Variants in MGAM2 observed in about 807,000 individuals in gnomAD.
MGAM2 encodes probable maltase-glucoamylase 2.
MGAM2 carries 98 observed loss-of-function variants against 96.1 expected under a neutral mutation model. The observed-to-expected ratio is 1.02, with a 90% confidence interval of 0.87 to 1.21. MGAM2 has a LOEUF of 1.21. Among genes scored for constraint, MGAM2 ranks in the 50% most tolerant of loss-of-function variants. The probability of loss-of-function intolerance (pLI) is 0.00; values close to 1 mark genes in which losing one functional copy is unlikely to be tolerated. For synonymous variants in MGAM2, 749 were observed against 414.8 expected (o/e 1.81, Z -9.79); for missense variants, 2,055 against 1,182.4 (o/e 1.74, Z -10.82).
At chr7:142,211,585 G>C (rs111465565) in intron 46 of MGAM2, among the ~76,000 whole-genome samples, 1,659 of 152,152 alleles carry the variant, frequency 0.011, 24 homozygotes, top group South Asian at 0.03. Flanking sequence ...CAAAAGAAAG[G>C]ATATCAGAGA....
At chr7:142,215,661 G>T (rs893306680) in intron 46 of MGAM2, among the ~76,000 whole-genome samples, 1 of 151,424 alleles carries the variant, frequency 6.6e-6, no homozygotes, top group Non-Finnish European at 1.5e-5. Context: ...GGGAGGCTGA[G>T]GCGGGAGAAT....
chr7:142,114,192 A>G (rs559743656), intron 1 of MGAM2, among the ~76,000 whole-genome samples: 1 of 137,346 alleles, frequency 7.3e-6, no homozygotes, highest in Non-Finnish European at 1.5e-5. Context: ...GAAAGAAAGA[A>G]AGAAAGAAAG....
In MGAM2 at chr7:142,183,950, C is replaced by CTTTTTTTTTTTTTTTTTTTTT. The variant is rs748299647; in HGVS notation, c.3924+597_3924+617dup. Among the ~76,000 whole-genome samples the CTTTTTTTTTTTTTTTTTTTTT allele has an allele frequency of 1.1e-4, 5 of 46,148 alleles. 2 individuals are homozygous for CTTTTTTTTTTTTTTTTTTTTT. Among genetic ancestry groups the CTTTTTTTTTTTTTTTTTTTTT allele is most frequent in the Non-Finnish European group, 2.5e-4 (5 of 20,370 alleles). The allele number at this position is 46,148 out of a possible 152,430, so 30.3% of individuals were successfully genotyped here. ...ACTGCTCTGGATGTATTCCAGGCTC[C>CTTTTTTTTTTTTTTTTTTTTT]TTTTTTTTTTTTTTTTTTTTTTTTT... On this transcript the variant is annotated intron_variant, in intron 33 of 47. Coordinates refer to ENST00000477922, the MANE Select transcript of MGAM2 (RefSeq NM_001293626.2).
chr7:142,192,125 G>T (rs1330961246), intron 37 of MGAM2, among the ~76,000 whole-genome samples: 1 of 152,182 alleles, frequency 6.6e-6, no homozygotes, highest in East Asian at 1.9e-4. Flanking sequence ...GAGTTTACAA[G>T]AACCTCATAC....
intron 46 of MGAM2, among the ~76,000 whole-genome samples, chr7:142,209,830 T>C (rs1797523193): frequency 1.3e-5 from 2 of 152,226 alleles, no homozygotes; most frequent in Admixed American, 1.3e-4. Flanking sequence ...CACATGTGGC[T>C]ATTGAACACT....
At chr7:142,164,486 T>A (rs1012008702) in intron 23 of MGAM2, among the ~76,000 whole-genome samples, 8 of 152,126 alleles carry the variant, frequency 5.3e-5, no homozygotes, top group Admixed American at 2.0e-4. Context: ...AGAAAATTAC[T>A]TGGGCCCTTT....
chr7:142,147,282 A>G (rs1795415539), intron 14 of MGAM2, among the ~76,000 whole-genome samples, 174 bp from the exon 15 acceptor site: 1 of 152,200 alleles, frequency 6.6e-6, no homozygotes, highest in Non-Finnish European at 1.5e-5. Context: ...GGAGGTCTCA[A>G]TGTTAGCCCC....
At chr7:142,192,711 T>C (rs1346580687) in intron 37 of MGAM2, among the ~76,000 whole-genome samples, 3 of 152,168 alleles carry the variant, frequency 2.0e-5, no homozygotes, top group Non-Finnish European at 2.9e-5. Context: ...TCAGGGAAAT[T>C]TGCTTTTCAC....
At position 142,221,697 on chromosome 7, in the gene MGAM2, A is replaced by G. The variant is rs768308513; in HGVS notation, c.7186A>G (p.Thr2396Ala). Residue 2396 changes from threonine (T) to alanine (A), a missense_variant, in exon 48 of 48, where the codon ACA becomes GCA. Transcript: ENST00000477922. The stretch of plus-strand genomic sequence containing the variant: ...CGCTACTCCCCATTCTGCTACTACT[A>G]CAACACTGGCCTTAAGCCACACCTC... ...QFATPHSATT[T>A]TLALSHTSLA... is the part of the protein sequence containing the mutation. 12 of 426,204 alleles carry G rather than the reference A, an allele frequency of 2.8e-5. No homozygotes were observed. Among genetic ancestry groups the G allele is most frequent in the Middle Eastern group, 6.0e-4 (1 of 1,676 alleles). 26.4% of individuals were successfully genotyped at this position (426,204 alleles called of 1,614,324 possible).
chr7:142,156,039 G>C (rs538028026), intron 17 of MGAM2, among the ~76,000 whole-genome samples: 45 of 152,072 alleles, frequency 3.0e-4, no homozygotes, highest in African/African-American at 1.1e-3. Flanking sequence ...CAGCTACTTG[G>C]GAGGCTGAGG....
rs574093559 is a variant in MGAM2, at chr7:142,189,485, C to T, written c.4326C>T (p.Ser1442=). ...ACGTGCACAACCTGTACGGGTGGTC[C>T]CAGACCAGACCCACATACGAGTGAG... ...HYNVHNLYGW[S]QTRPTYEAVQ... The change falls in exon 37 of 48, where the codon TCC becomes TCT. Residue 1442 remains serine, a synonymous_variant. Coordinates refer to ENST00000477922, the MANE Select transcript of MGAM2 (RefSeq NM_001293626.2). 2.3e-6 allele frequency: 2 copies of T among 852,158 alleles called. No homozygotes were observed. Among genetic ancestry groups the T allele is most frequent in the Admixed American group, 2.1e-5 (1 of 47,014 alleles). 52.8% of individuals were successfully genotyped at this position (852,158 alleles called of 1,614,324 possible). A position where few individuals can be genotyped will look rare whatever the true frequency, so the allele number is the denominator to read the frequency against.
Position 142,196,598 on chromosome 7 carries a change from A to G in MGAM2, c.4514A>G (p.Tyr1505Cys). 1 of 724,358 alleles carries G rather than the reference A, an allele frequency of 1.4e-6. No individual in the cohort carries two copies. The highest frequency in any genetic ancestry group is 2.5e-6 in the Non-Finnish European group (1 of 393,464). 44.9% of individuals were successfully genotyped at this position (724,358 alleles called of 1,614,324 possible). A position where few individuals can be genotyped will look rare whatever the true frequency, so the allele number is the denominator to read the frequency against. The change falls in exon 39 of 48, where the codon TAT (tyrosine) becomes TGT (cysteine). Residue 1505 changes from tyrosine (Y) to cysteine (C), a missense_variant and splice_region_variant. By Grantham distance (194) the Tyr-to-Cys change is radical. Coordinates refer to ENST00000477922, the MANE Select transcript of MGAM2 (RefSeq NM_001293626.2). Reference protein sequence around the residue: ...MMEFSLFGIPYTGADICGFFG... With the variant: ...MMEFSLFGIPCTGADICGFFG... ...GAGTTCAGTCTCTTTGGAATACCTT[A>G]TGTAAGTCACATTCAGACCATTACT...
At chr7:142,214,759 T>A (rs1045563772) in intron 46 of MGAM2, among the ~76,000 whole-genome samples, 1 of 152,188 alleles carries the variant, frequency 6.6e-6, no homozygotes, top group African/African-American at 2.4e-5. Context: ...AGATATCATC[T>A]CATGCCAGTT....
In MGAM2 at chr7:142,173,803, T is replaced by G. The variant is rs115041153; in HGVS notation, c.3687+449T>G. On this transcript the variant is annotated intron_variant, in intron 31 of 47. Coordinates refer to ENST00000477922, the MANE Select transcript of MGAM2 (RefSeq NM_001293626.2). ...CATGTGCAGAAACCTGGGTTGGTAC[T>G]GCATAGAGAGGGTAGACATTCAAGA... Among the ~76,000 whole-genome samples the G allele has an allele frequency of 7.1e-3, 1,089 of 152,342 alleles. 12 individuals carry two copies. Among genetic ancestry groups the G allele is most frequent in the African/African-American group, 0.025 (1,035 of 41,582 alleles).
At chr7:142,113,523 TA>T (rs895772123) in intron 1 of MGAM2, among the ~76,000 whole-genome samples, 1 of 146,248 alleles carries the variant, frequency 6.8e-6, no homozygotes, top group African/African-American at 2.4e-5. Flanking sequence ...AAAAGATTCC[TA>T]GGTTTTTTTT....
chr7:142,160,305 G>A (rs1182791844), intron 21 of MGAM2, 47 bp downstream of exon 21: 3 of 621,050 alleles, frequency 4.8e-6, no homozygotes, highest in South Asian at 1.9e-5. Context: ...GTGCTCTAAT[G>A]GAGCAGGGCA....
At position 142,132,507 on chromosome 7, in the gene MGAM2, TA is replaced by T. The variant is rs533122943; in HGVS notation, c.575+427del. ...CATAATTTAAAATTAAATTAAATTATAAAAATTTAAATGTAATTTAAAATAT... is the reference window on the plus strand; with the variant it reads ...CATAATTTAAAATTAAATTAAATTATAAAATTTAAATGTAATTTAAAATAT... On this transcript the variant is annotated intron_variant, in intron 6 of 47. Coordinates refer to ENST00000477922, the MANE Select transcript of MGAM2 (RefSeq NM_001293626.2). Among the ~76,000 whole-genome samples, 446 of 137,374 alleles carry T rather than the reference TA, an allele frequency of 3.2e-3. 2 individuals are homozygous for T. Among genetic ancestry groups the T allele is most frequent in the African/African-American group, 0.011 (424 of 37,040 alleles). 90.1% of individuals were successfully genotyped at this position (137,374 alleles called of 152,430 possible).
At chr7:142,171,531 A>G (rs1796184800) in intron 28 of MGAM2, 91 bp downstream of exon 28, 2 of 604,870 alleles carry the variant, frequency 3.3e-6, no homozygotes, top group East Asian at 2.9e-5. Flanking sequence ...TTGCTCATCA[A>G]CCTCATCTTA....
At position 142,141,567 on chromosome 7, in the gene MGAM2, T is replaced by C. The variant is rs868704352; in HGVS notation, c.1317+448T>C. ...CCTGGCTGAGTGTAATGGCATGATC[T>C]TGACTCACTGCAACCTCTGACTCCT... On this transcript the variant is annotated intron_variant, in intron 12 of 47. Transcript: ENST00000477922. 2.0e-5 allele frequency among the ~76,000 whole-genome samples: 3 copies of C among 152,310 alleles called. No homozygotes were observed. In the South Asian group the frequency reaches 6.2e-4, roughly 32 times the overall value.
Sources: allele counts gnomAD v4.1 joint callset (sites outside exome capture counted in the v4.1 genomes callset), GRCh38; gene constraint gnomAD v4.1.1; transcripts MANE v1.5; gene names NCBI Gene and HGNC (gene_info 2026-07-23, HGNC 2026-07-21).